The following TRAPPC9 variants were observed in gnomAD, a reference collection of about 807,000 sequenced individuals.
The protein encoded by TRAPPC9 is trafficking protein particle complex subunit 9.
TRAPPC9 carries 83 observed loss-of-function variants against 124.0 expected under a neutral mutation model. The ratio of observed to expected loss-of-function variants is 0.67; its 90% CI spans 0.56 to 0.80. TRAPPC9 has a LOEUF of 0.80. Among genes scored for constraint, TRAPPC9 ranks in the 30% least tolerant of loss-of-function variants. The pLI is 0.00. For missense variants in TRAPPC9, 1,302 were observed against 1,508.3 expected (o/e 0.86, Z 2.27); for synonymous variants, 638 against 617.5 (o/e 1.03, Z -0.49).
intron 19 of TRAPPC9, among the ~76,000 whole-genome samples, chr8:139,982,319 G>A (rs1183284450): frequency 6.6e-6 from 1 of 152,160 alleles, no homozygotes; most frequent in African/African-American, 2.4e-5. Context: ...TGGAGAACAG[G>A]TGGCTGGTGC....
At chr8:140,065,229 C>T (rs1842847158) in intron 17 of TRAPPC9, among the ~76,000 whole-genome samples, 1 of 152,084 alleles carries the variant, frequency 6.6e-6, no homozygotes, top group Non-Finnish European at 1.5e-5. Flanking sequence ...GAAGAAGCTG[C>T]AAAAGAAAAG....
chr8:140,219,098 A>G (rs952005590), intron 17 of TRAPPC9, among the ~76,000 whole-genome samples: 7 of 152,236 alleles, frequency 4.6e-5, no homozygotes, highest in African/African-American at 1.7e-4. Context: ...AGGAAGAGCC[A>G]GTGAATGAAA....
chr8:139,933,131 G>C (rs1833300381), intron 19 of TRAPPC9: 1 of 154,472 alleles, frequency 6.5e-6, no homozygotes. Context: ...GATTCTTTGT[G>C]ACCAAGCTGT....
rs543581025 is a variant in TRAPPC9, at chr8:139,935,637, C to G, written c.2811-25337G>C. Among the ~76,000 whole-genome samples, 5 of 146,934 alleles carry G rather than the reference C, an allele frequency of 3.4e-5. No homozygotes were observed. In the East Asian group the frequency reaches 1.0e-3, roughly 29 times the overall value. ...GATATGGCATTTTTGTGAAAAGCAT[C>G]TCTTAGTTAAAATATGCTTCTTCAG... On this transcript the variant is annotated intron_variant, in intron 19 of 22. Transcript: ENST00000438773.
chr8:140,197,693 C>T (rs2062701186), intron 17 of TRAPPC9, among the ~76,000 whole-genome samples: 1 of 152,122 alleles, frequency 6.6e-6, no homozygotes, highest in African/African-American at 2.4e-5. Flanking sequence ...AATGAGCTCC[C>T]TGTTGCTTTT....
intron 1 of TRAPPC9, among the ~76,000 whole-genome samples, chr8:140,453,458 A>G (rs541893963): frequency 1.3e-5 from 2 of 152,324 alleles, no homozygotes; most frequent in East Asian, 3.9e-4. Flanking sequence ...GTGAAATTCT[A>G]ATGGCAAGCT....
intron 17 of TRAPPC9, among the ~76,000 whole-genome samples, chr8:140,183,260 G>A: frequency 6.6e-6 from 1 of 152,174 alleles, no homozygotes; most frequent in East Asian, 1.9e-4. Flanking sequence ...GGGGATGGTT[G>A]GTGGAAGACC....
chr8:139,923,111 C>T (rs549468335), intron 19 of TRAPPC9, among the ~76,000 whole-genome samples: 38 of 106,954 alleles, frequency 3.6e-4, no homozygotes, highest in South Asian at 2.5e-3. Flanking sequence ...GGGATGCCAT[C>T]CGTTCCGGAG....
chr8:139,994,982 TTA>T (rs1491290675), intron 18 of TRAPPC9, among the ~76,000 whole-genome samples: 977 of 14,962 alleles, frequency 0.065, 3 homozygotes, highest in Middle Eastern at 0.31. Flanking sequence ...TGGTTTGTGT[TTA>T]AAAAAAAAAA....
At chr8:140,401,613 A>G (rs1419110265) in intron 6 of TRAPPC9, among the ~76,000 whole-genome samples, 1 of 150,994 alleles carries the variant, frequency 6.6e-6, no homozygotes, top group African/African-American at 2.4e-5. Context: ...AGAGATTTAA[A>G]ATGAAATCAT....
chr8:139,782,314 A>G (rs529328831), intron 21 of TRAPPC9, among the ~76,000 whole-genome samples: 5 of 152,332 alleles, frequency 3.3e-5, no homozygotes. Context: ...CAGGAAGTGG[A>G]GGTTGCAGTG....
rs1166720518 is a variant in TRAPPC9, at chr8:140,182,825, C to T, written c.2556+38634G>A. ...ATCATGCCATTCCCCCTTCTCTGCC[C>T]GTCTATGCGTCCCCCAAACTGTGGC... On this transcript the variant is annotated intron_variant, in intron 17 of 22. Transcript: ENST00000438773. This position sits in a 1 kb window ranked among gnomAD's most constrained non-coding sequence, Gnocchi z 4.0. Among the ~76,000 whole-genome samples the T allele has an allele frequency of 3.3e-5, 5 of 152,140 alleles. No individual in the cohort carries two copies. The highest frequency in any genetic ancestry group is 4.1e-4 in the South Asian group (2 of 4,822).
At chr8:140,232,322 C>A (rs2063618871) in intron 16 of TRAPPC9, among the ~76,000 whole-genome samples, 1 of 151,964 alleles carries the variant, frequency 6.6e-6, no homozygotes, top group Admixed American at 6.6e-5. Context: ...ACTGGCCAAG[C>A]AGAAGGCAGG....
intron 9 of TRAPPC9, among the ~76,000 whole-genome samples, chr8:140,354,189 T>C (rs942130087): frequency 2.1e-4 from 32 of 152,160 alleles, no homozygotes; most frequent in African/African-American, 7.7e-4. Context: ...AAGGAAGGAA[T>C]CCCTCTGCCC....
chr8:140,090,757 T>C (rs924433074), intron 17 of TRAPPC9, among the ~76,000 whole-genome samples: 2 of 152,264 alleles, frequency 1.3e-5, no homozygotes, highest in Admixed American at 6.5e-5. Context: ...ATCTCATTAA[T>C]GCCTGGCTCC....
intron 16 of TRAPPC9, among the ~76,000 whole-genome samples, chr8:140,242,705 T>C (rs762248014): frequency 1.5e-4 from 23 of 152,192 alleles, no homozygotes; most frequent in Non-Finnish European, 4.4e-5. Context: ...AGGAAAAATA[T>C]AGTGTATGGT....
At chr8:140,437,190 GC>G (rs2132616521) in intron 3 of TRAPPC9, among the ~76,000 whole-genome samples, 1 of 151,834 alleles carries the variant, frequency 6.6e-6, no homozygotes, top group African/African-American at 2.4e-5. Flanking sequence ...TCCCTATGTT[GC>G]TCAGGCTGGT....
At chr8:139,947,907 T>TATATATATATATATAGAGAGAGAGAGAG in intron 19 of TRAPPC9, among the ~76,000 whole-genome samples, 47 of 60,258 alleles carry the variant, frequency 7.8e-4, no homozygotes, top group East Asian at 1.8e-3. Flanking sequence ...TATATATATA[T>TATATATATATATATAGAGAGAGAGAGAG]AGAGAGAGAG....
intron 17 of TRAPPC9, among the ~76,000 whole-genome samples, chr8:140,142,497 G>A (rs117615614): frequency 1.3e-5 from 2 of 152,340 alleles, no homozygotes; most frequent in Non-Finnish European, 2.9e-5. Flanking sequence ...TCACTGGGAA[G>A]GCTGCTCCTG....
Sources: gnomAD v4.1 joint callset for allele counts (sites outside exome capture counted in the v4.1 genomes callset) on GRCh38, gnomAD v4.1.1 for gene constraint, Gnocchi (gnomAD v3.1) non-coding constraint, MANE v1.5 for transcripts, NCBI Gene and HGNC (gene_info 2026-07-23, HGNC 2026-07-21) for gene names.